The following DNAH9 variants were observed in gnomAD, a reference collection of about 807,000 sequenced individuals.
DNAH9 encodes the protein dynein axonemal heavy chain 9, also known as DNAH9 variant protein.
A neutral mutation model predicts 471.6 loss-of-function variants in DNAH9; 345 were observed. The observed-to-expected ratio is 0.73, with a 90% CI of 0.67 to 0.80. DNAH9 has a LOEUF of 0.80. Ranked by LOEUF, DNAH9 falls within the 30% of genes least tolerant of loss-of-function variation. The probability of loss-of-function intolerance (pLI) is 0.00; values close to 1 mark genes in which losing one functional copy is unlikely to be tolerated. For synonymous variants in DNAH9, 2,093 were observed against 2,123.6 expected (o/e 0.99, Z 0.40); for missense variants, 5,407 against 5,609.2 (o/e 0.96, Z 1.15).
At chr17:11,903,716 C>T (rs980727829) in intron 60 of DNAH9, among the ~76,000 whole-genome samples, 1 of 152,098 alleles carries the variant, frequency 6.6e-6, no homozygotes, top group Admixed American at 6.5e-5. Context: ...TTGAGACCAG[C>T]CTGGCCAACA....
At chr17:11,920,051 T>TTTTTTTTG (rs1974087774) in intron 61 of DNAH9, among the ~76,000 whole-genome samples, 1 of 150,826 alleles carries the variant, frequency 6.6e-6, no homozygotes, top group African/African-American at 2.4e-5. Flanking sequence ...TTTTTTTTTT[T>TTTTTTTTG]GAGACAGAGT....
chr17:11,834,804 A>G lies in DNAH9; in HGVS notation c.9413A>G (p.Glu3138Gly), dbSNP rs1040072974. The G allele has an allele frequency of 6.2e-7, 1 of 1,614,164 alleles. No homozygotes were observed. The highest frequency in any genetic ancestry group is 8.5e-7 in the Non-Finnish European group (1 of 1,180,036). ...EEQKVAVIML[E>G]VKQKQKDCEE... Reference sequence around the variant, plus strand: ...CAGAAGGTGGCCGTCATCATGCTAGAGGTGAAACAGAAGCAGAAGGACTGT... The same window carrying G: ...CAGAAGGTGGCCGTCATCATGCTAGGGGTGAAACAGAAGCAGAAGGACTGT... The change falls in exon 49 of 69, where the codon GAG becomes GGG. Residue 3138 changes from glutamate to glycine, a missense_variant. By Grantham distance (98) the Glu-to-Gly change is moderately conservative. Coordinates refer to ENST00000262442, the MANE Select transcript of DNAH9 (RefSeq NM_001372.4).
intron 65 of DNAH9, among the ~76,000 whole-genome samples, chr17:11,934,571 G>A (rs1597846127): frequency 6.8e-6 from 1 of 147,336 alleles, no homozygotes; most frequent in African/African-American, 2.5e-5. Flanking sequence ...TCAGCCTCCC[G>A]AGTAGCTGGG....
intron 58 of DNAH9, among the ~76,000 whole-genome samples, chr17:11,893,335 T>C (rs542324502): frequency 1.1e-4 from 17 of 152,228 alleles, no homozygotes; most frequent in African/African-American, 2.6e-4. Flanking sequence ...GTCCCTTCTG[T>C]GAAAATATCC....
At position 11,769,304 on chromosome 17, in the gene DNAH9, C is replaced by T; in HGVS notation, c.7527C>T (p.Tyr2509=). 2 of 1,613,650 alleles carry T rather than the reference C, an allele frequency of 1.2e-6. No individual in the cohort carries two copies. The highest frequency in any genetic ancestry group is 1.7e-6 in the Non-Finnish European group (2 of 1,179,834). The change falls in exon 38 of 69, where the codon TAC becomes TAT. Residue 2509 remains tyrosine (Y), a synonymous_variant. Coordinates refer to ENST00000262442, the MANE Select transcript of DNAH9 (RefSeq NM_001372.4). The part of the protein sequence containing the change: ...AYLVKNVPFN[Y]YTTSAMLQAV... The stretch of plus-strand genomic sequence containing the variant: ...TGGTGAAAAACGTGCCATTCAACTA[C>T]TACACCACGTCAGCAATGCTGCAGG...
chr17:11,741,417 G>C (rs937884677), intron 29 of DNAH9, among the ~76,000 whole-genome samples: 2 of 152,078 alleles, frequency 1.3e-5, no homozygotes, highest in Admixed American at 1.3e-4. Flanking sequence ...TTTTGCTATC[G>C]AAAGTAATGG....
intron 29 of DNAH9, among the ~76,000 whole-genome samples, chr17:11,739,652 C>T (rs149060363): frequency 2.6e-5 from 4 of 152,284 alleles, no homozygotes; most frequent in African/African-American, 4.8e-5. Context: ...CTCGTAGCGA[C>T]GCATGAGAGC....
At chr17:11,840,735 G>A (rs1001379081) in intron 49 of DNAH9, among the ~76,000 whole-genome samples, 5 of 152,106 alleles carry the variant, frequency 3.3e-5, no homozygotes, top group Admixed American at 6.6e-5. Context: ...AAAAAAGGTC[G>A]GGAGAAGGAA....
At chr17:11,886,687 A>G (rs1459544717) in intron 56 of DNAH9, 138 bp from the exon 57 acceptor site, 1 of 1,106,964 alleles carries the variant, frequency 9.0e-7, no homozygotes, top group Non-Finnish European at 1.3e-6. Flanking sequence ...TAGCTTTTCA[A>G]CTTTCTACCC....
intron 35 of DNAH9, among the ~76,000 whole-genome samples, chr17:11,761,993 G>A (rs1967693066): frequency 6.6e-6 from 1 of 152,048 alleles, no homozygotes; most frequent in Admixed American, 6.6e-5. Flanking sequence ...CTATCCTCTT[G>A]GTGGCATATC....
chr17:11,657,917 T>G (rs961816266), intron 14 of DNAH9, among the ~76,000 whole-genome samples: 11 of 152,092 alleles, frequency 7.2e-5, no homozygotes, highest in Admixed American at 1.3e-4. Flanking sequence ...AAGAGAAAAT[T>G]GATTATCAGT....
intron 26 of DNAH9, among the ~76,000 whole-genome samples, chr17:11,714,816 T>C (rs1452295083): frequency 6.6e-6 from 1 of 152,160 alleles, no homozygotes; most frequent in African/African-American, 2.4e-5. Flanking sequence ...GAACAGCCTC[T>C]AGGAGCTGAG....
intron 49 of DNAH9, among the ~76,000 whole-genome samples, chr17:11,838,402 A>T (rs564413304): frequency 1.1e-4 from 17 of 152,300 alleles, no homozygotes; most frequent in East Asian, 5.8e-4. Context: ...AATAAAAATT[A>T]AAAAATTTCA....
intron 28 of DNAH9, among the ~76,000 whole-genome samples, chr17:11,730,114 T>C (rs965120560): frequency 2.0e-5 from 3 of 152,192 alleles, no homozygotes; most frequent in Non-Finnish European, 4.4e-5. Context: ...TGGTGAAATA[T>C]GGTTTTTCCC....
chr17:11,625,693 T>C (rs2072957000), intron 6 of DNAH9, among the ~76,000 whole-genome samples: 1 of 152,128 alleles, frequency 6.6e-6, no homozygotes, highest in Admixed American at 6.5e-5. Context: ...TATTGAATCC[T>C]CCCCACATCC....
intron 59 of DNAH9, among the ~76,000 whole-genome samples, chr17:11,897,557 AGTTT>A (rs1226690056): frequency 1.3e-5 from 2 of 152,202 alleles, no homozygotes; most frequent in Admixed American, 1.3e-4. Flanking sequence ...ACGGAAAATA[AGTTT>A]GTTCTGTAAA....
intron 38 of DNAH9, among the ~76,000 whole-genome samples, chr17:11,771,381 G>A (rs1016282062): frequency 1.1e-4 from 17 of 152,054 alleles, no homozygotes; most frequent in African/African-American, 3.9e-4. Context: ...CACCTGCCTC[G>A]GCCTCCCAAA....
At chr17:11,747,203 A>G (rs148580861) in intron 31 of DNAH9, among the ~76,000 whole-genome samples, 1 of 152,224 alleles carries the variant, frequency 6.6e-6, no homozygotes, top group African/African-American at 2.4e-5. Flanking sequence ...CCTTATAAAT[A>G]CCTCTAAGAT....
In DNAH9 at chr17:11,669,380, A is replaced by G. The variant is rs753318864; in HGVS notation, c.2939A>G (p.Asp980Gly). The G allele has an allele frequency of 1.2e-5, 19 of 1,611,506 alleles. No homozygotes were observed. The highest frequency in any genetic ancestry group is 1.5e-5 in the Non-Finnish European group (18 of 1,178,514). ...GTCTCGCTTCCCCAGGTCGACCTGG[A>G]CGGTATACCAGATTTGGCAAACATG... ...NGSPHYQVDLDGIPDLANMRR... is the reference protein window; with the variant it reads ...NGSPHYQVDLGGIPDLANMRR... The change falls in exon 17 of 69, where the codon GAC (aspartate) becomes GGC (glycine). Residue 980 changes from aspartate (D) to glycine (G), a missense_variant. Asp to Gly is a moderately conservative substitution (Grantham distance 94). Coordinates refer to ENST00000262442, the MANE Select transcript of DNAH9 (RefSeq NM_001372.4).
Sources: allele counts gnomAD v4.1 joint callset (sites outside exome capture counted in the v4.1 genomes callset), GRCh38; gene constraint gnomAD v4.1.1; transcripts MANE v1.5; gene names NCBI Gene and HGNC (gene_info 2026-07-23, HGNC 2026-07-21).